Variants in PEBP4 observed in about 807,000 individuals in gnomAD.
The protein encoded by PEBP4 is phosphatidylethanolamine binding protein 4, also known as phosphatidylethanolamine-binding protein 4.
Under a neutral mutation model 23.9 loss-of-function variants are expected in PEBP4, and 22 were observed. The ratio of observed to expected loss-of-function variants is 0.92; its 90% CI spans 0.66 to 1.31. The LOEUF (loss-of-function observed/expected upper bound fraction) is 1.31. Among genes scored for constraint, PEBP4 ranks in the 40% most tolerant of loss-of-function variants. The probability of loss-of-function intolerance (pLI) is 0.00; values close to 1 mark genes in which losing one functional copy is unlikely to be tolerated. For synonymous variants in PEBP4, 112 were observed against 99.3 expected (o/e 1.13, Z -0.76); for missense variants, 324 against 281.7 (o/e 1.15, Z -1.07).
chr8:22,778,787 C>T (rs1042515368), intron 4 of PEBP4, among the ~76,000 whole-genome samples: 4 of 152,160 alleles, frequency 2.6e-5, no homozygotes, highest in Admixed American at 6.5e-5. Flanking sequence ...TCTTGCCCTA[C>T]CCTGGCCTTC....
rs543506051 is a variant in PEBP4, at chr8:22,900,278, G to A, written c.258+19906C>T. 1.9e-4 allele frequency among the ~76,000 whole-genome samples: 29 copies of A among 152,194 alleles called. No homozygotes were observed. The South Asian group carries it at 5.4e-3, about 28-fold the overall frequency. ...GACGACTTTAGTGAGCACCTACTAC[G>A]GAAAGAGCTCCAAATACTCTAATTG... On this transcript the variant is annotated intron_variant, in intron 3 of 6. Transcript: ENST00000256404.
chr8:22,788,809 C>T (rs1806079565), intron 4 of PEBP4, among the ~76,000 whole-genome samples: 1 of 152,150 alleles, frequency 6.6e-6, no homozygotes, highest in African/African-American at 2.4e-5. Flanking sequence ...CAGAAAGTCA[C>T]CACAGAGGTG....
intron 3 of PEBP4, among the ~76,000 whole-genome samples, chr8:22,906,806 CCAGA>C (rs1808825916): frequency 2.0e-5 from 3 of 152,338 alleles, no homozygotes; most frequent in African/African-American, 4.8e-5. Context: ...AGTGAATAAA[CCAGA>C]CAAAGATTCC....
At chr8:22,769,064 G>A (rs1805664780) in intron 4 of PEBP4, among the ~76,000 whole-genome samples, 1 of 152,166 alleles carries the variant, frequency 6.6e-6, no homozygotes, top group African/African-American at 2.4e-5. Flanking sequence ...CTTTTGATGT[G>A]AGAAGCAGCT....
At chr8:22,833,186 C>G (rs1486146913) in intron 3 of PEBP4, among the ~76,000 whole-genome samples, 1 of 152,174 alleles carries the variant, frequency 6.6e-6, no homozygotes, top group African/African-American at 2.4e-5. Context: ...TCATCACCAT[C>G]ATGTCCCTCT....
chr8:22,732,161 G>T (rs1213628107), intron 4 of PEBP4, among the ~76,000 whole-genome samples: 1 of 152,116 alleles, frequency 6.6e-6, no homozygotes, highest in African/African-American at 2.4e-5. Flanking sequence ...TCTAAGTTTG[G>T]GACTGGAGGG....
At chr8:22,934,933 G>A (rs980566497) in intron 1 of PEBP4, among the ~76,000 whole-genome samples, 2 of 152,132 alleles carry the variant, frequency 1.3e-5, no homozygotes, top group African/African-American at 4.8e-5. Context: ...TTAAAAAGAT[G>A]TACACAGTAA....
intron 4 of PEBP4, among the ~76,000 whole-genome samples, chr8:22,762,804 A>G (rs1343781422): frequency 2.0e-5 from 3 of 152,298 alleles, no homozygotes; most frequent in African/African-American, 7.2e-5. Context: ...GTTGTGTTAC[A>G]GCCAAGGATT....
chr8:22,821,365 T>G (rs139055601), intron 3 of PEBP4, among the ~76,000 whole-genome samples: 11 of 152,300 alleles, frequency 7.2e-5, no homozygotes, highest in African/African-American at 2.4e-4. Context: ...ACATGTGTAC[T>G]GCAGAACTCA....
Position 22,860,732 on chromosome 8 carries a change from G to T in PEBP4, c.259-42997C>A, listed in dbSNP as rs55831157. ...AGACCCTCCGTTACAAGTTAGTCATGTACAAAGATCTTTTGAGCATCTGTT... is the reference window on the plus strand; with the variant it reads ...AGACCCTCCGTTACAAGTTAGTCATTTACAAAGATCTTTTGAGCATCTGTT... On this transcript the variant is annotated intron_variant, in intron 3 of 6. Coordinates refer to ENST00000256404, the MANE Select transcript of PEBP4 (RefSeq NM_144962.3). Among the ~76,000 whole-genome samples the T allele has an allele frequency of 9.9e-3, 1,512 of 152,320 alleles. 29 individuals carry two copies. Among genetic ancestry groups the T allele is most frequent in the African/African-American group, 0.035 (1,451 of 41,568 alleles).
intron 4 of PEBP4, among the ~76,000 whole-genome samples, chr8:22,773,470 C>A (rs1805755734): frequency 6.6e-6 from 1 of 152,090 alleles, no homozygotes; most frequent in Non-Finnish European, 1.5e-5. Context: ...GGAAGCTGAG[C>A]CTGGAAGCCT....
chr8:22,859,352 A>G (rs188745842), intron 3 of PEBP4, among the ~76,000 whole-genome samples: 3 of 152,312 alleles, frequency 2.0e-5, no homozygotes, highest in Non-Finnish European at 4.4e-5. Context: ...CAATTGGAAA[A>G]AAGTCAGACT....
chr8:22,716,754 C>T (rs1292824562), intron 6 of PEBP4, among the ~76,000 whole-genome samples: 1 of 152,198 alleles, frequency 6.6e-6, no homozygotes, highest in Admixed American at 6.5e-5. Context: ...TACCCTGGCC[C>T]CCTTGCAGGA....
At chr8:22,860,194 A>ATATATATATACACATATATGTATATATG (rs1807744631) in intron 3 of PEBP4, among the ~76,000 whole-genome samples, 1 of 97,600 alleles carries the variant, frequency 1.0e-5, no homozygotes. Flanking sequence ...ATATATATGT[A>ATATATATATACACATATATGTATATATG]TATATATATA....
At chr8:22,868,879 A>T (rs1435462600) in intron 3 of PEBP4, among the ~76,000 whole-genome samples, 2 of 152,322 alleles carry the variant, frequency 1.3e-5, no homozygotes, top group African/African-American at 4.8e-5. Flanking sequence ...CATGGTGGCC[A>T]GAGAAGTCGT....
intron 3 of PEBP4, among the ~76,000 whole-genome samples, chr8:22,853,342 C>G (rs1366623139): frequency 6.6e-6 from 1 of 152,168 alleles, no homozygotes; most frequent in Non-Finnish European, 1.5e-5. Context: ...CTCCAGGTCA[C>G]AGAGGTGGGA....
intron 4 of PEBP4, among the ~76,000 whole-genome samples, chr8:22,777,639 G>A (rs972043920): frequency 6.6e-6 from 1 of 152,160 alleles, no homozygotes; most frequent in African/African-American, 2.4e-5. Context: ...GCCCTGCACG[G>A]CACTCCTGTT....
chr8:22,785,968 T>C (rs1806018959), intron 4 of PEBP4, among the ~76,000 whole-genome samples: 1 of 152,170 alleles, frequency 6.6e-6, no homozygotes, highest in African/African-American at 2.4e-5. Flanking sequence ...ACCACAGCTT[T>C]CTCGAACGTC....
At chr8:22,856,546 G>A (rs752924264) in intron 3 of PEBP4, among the ~76,000 whole-genome samples, 14 of 152,074 alleles carry the variant, frequency 9.2e-5, no homozygotes, top group Non-Finnish European at 1.9e-4. Context: ...GCGAAACCCC[G>A]TCTCTACTAA....
Sources: gnomAD v4.1 joint callset for allele counts (sites outside exome capture counted in the v4.1 genomes callset) on GRCh38, gnomAD v4.1.1 for gene constraint, MANE v1.5 for transcripts, NCBI Gene and HGNC (gene_info 2026-07-23, HGNC 2026-07-21) for gene names.